The following SMCR8 variants were observed in gnomAD, a reference collection of about 807,000 sequenced individuals.
SMCR8 encodes SMCR8-C9orf72 complex subunit.
In SMCR8, 30 loss-of-function variants were observed where a neutral mutation model predicts 56.6. The observed-to-expected ratio is 0.53, with a 90% CI of 0.40 to 0.72. The LOEUF (loss-of-function observed/expected upper bound fraction) is 0.72. Ranked by LOEUF, SMCR8 falls within the 30% of genes least tolerant of loss-of-function variation. The pLI is 0.00. For synonymous variants in SMCR8, 538 were observed against 456.0 expected, an observed-to-expected ratio of 1.18 and a Z score of -2.29; for missense variants, 1,198 against 1,157.0, an observed-to-expected ratio of 1.04 and a Z score of -0.51.
rs1271535526 is a variant in SMCR8, at chr17:18,318,110, T to C, written c.2321T>C (p.Ile774Thr). The change falls in exon 1 of 2, where the codon ATT becomes ACT. Residue 774 changes from isoleucine to threonine, a missense_variant. Physicochemically the swap from Ile to Thr is moderately conservative, Grantham distance 89 (BLOSUM62 -1). Coordinates refer to ENST00000406438, the MANE Select transcript of SMCR8 (RefSeq NM_144775.3). ...CATTGGGCCTCCTCCCCTTTGCACA[T>C]TATGGATTTTCAGAAGTGGAAGCTT... ...VKHWASSPLH[I>T]MDFQKWKLIG... The C allele has an allele frequency of 1.9e-6, 3 of 1,613,354 alleles. No individual in the cohort carries two copies. Among genetic ancestry groups the C allele is most frequent in the African/African-American group, 1.3e-5 (1 of 74,922 alleles).
chr17:18,315,891 C>G lies in SMCR8; in HGVS notation c.102C>G (p.Leu34=). The G allele has an allele frequency of 6.2e-7, 1 of 1,614,180 alleles. No homozygotes were observed. Among genetic ancestry groups the G allele is most frequent in the Non-Finnish European group, 8.5e-7 (1 of 1,180,026 alleles). Residue 34 remains leucine (L), a synonymous_variant, in exon 1 of 2, where the codon CTC becomes CTG. Transcript: ENST00000406438. The stretch of plus-strand genomic sequence containing the variant: ...TGCCTGAGGAGTACTCGGTGCCGCT[C>G]TTCCCCTTCGCCAGTCAGGGTGCTA... ...PALPEEYSVP[L]FPFASQGANP... is the part of the protein sequence containing the mutation.
Position 18,316,641 on chromosome 17 carries a change from C to A in SMCR8, c.852C>A (p.Thr284=). The stretch of plus-strand genomic sequence containing the variant: ...ATCAGGCCAGCCAGGCATCCACTAC[C>A]TCTAACCCTGATGAGTCTGCCGACA... ...IQDQASQAST[T]SNPDESADTD... Residue 284 remains threonine (T), a synonymous_variant, in exon 1 of 2, where the codon ACC becomes ACA. Transcript: ENST00000406438. 1 of 1,614,208 alleles carries A rather than the reference C, an allele frequency of 6.2e-7. No homozygotes were observed. Among genetic ancestry groups the A allele is most frequent in the Non-Finnish European group, 8.5e-7 (1 of 1,180,050 alleles).
chr17:18,317,442 T>TGAA lies in SMCR8; in HGVS notation c.1655_1657dup (p.Glu552dup). 6.2e-7 allele frequency: 1 copy of TGAA among 1,614,054 alleles called. No individual in the cohort carries two copies. Among genetic ancestry groups the TGAA allele is most frequent in the Non-Finnish European group, 8.5e-7 (1 of 1,180,026 alleles). ...AAGAAGAATCATATCCAGATGGCAA[T>TGAA]GAAGGAGCCATCCGCTTCCAGGCAA... On this transcript the variant is annotated inframe_insertion, in exon 1 of 2. Coordinates refer to ENST00000406438, the MANE Select transcript of SMCR8 (RefSeq NM_144775.3).
rs2142994606 is a variant in SMCR8, at chr17:18,324,386, CAA to C, written c.*1317_*1318del. 1 of 152,432 alleles carries C rather than the reference CAA, an allele frequency of 6.6e-6. No individual in the cohort carries two copies. Among genetic ancestry groups the C allele is most frequent in the South Asian group, 2.1e-4 (1 of 4,832 alleles). The allele number at this position is 152,432 out of a possible 1,614,324, so 9.4% of individuals were successfully genotyped here. On this transcript the variant is annotated 3_prime_UTR_variant, in exon 2 of 2. Coordinates refer to ENST00000406438, the MANE Select transcript of SMCR8 (RefSeq NM_144775.3). ...CCTGGCCTCCCCGAGCCTCCTTAGG[CAA>C]TGGCCACTGGTTTGTAGACAGAGAG...
rs1982252358 is a variant in SMCR8 at position 18,315,930 on chromosome 17, A to G, written c.141A>G (p.Lys47=). 6.2e-7 allele frequency: 1 copy of G among 1,614,092 alleles called. No homozygotes were observed. The highest frequency in any genetic ancestry group is 1.3e-5 in the African/African-American group (1 of 74,986). Residue 47 remains lysine, a synonymous_variant, in exon 1 of 2, where the codon AAA becomes AAG. Transcript: ENST00000406438. ...GTCAGGGTGCTAACCCCTGGTCAAAACTGTCCGGGGCCAAGTTTTCGAGGG... is the reference window on the plus strand; with the variant it reads ...GTCAGGGTGCTAACCCCTGGTCAAAGCTGTCCGGGGCCAAGTTTTCGAGGG... ...FASQGANPWS[K]LSGAKFSRDF...
chr17:18,320,497 C>T lies in SMCR8; in HGVS notation c.2361-2120C>T, dbSNP rs947353317. Among the ~76,000 whole-genome samples, 20 of 152,178 alleles carry T rather than the reference C, an allele frequency of 1.3e-4. 1 individual carries two copies. The highest frequency in any genetic ancestry group is 7.3e-5 in the Non-Finnish European group (5 of 68,032). On this transcript the variant is annotated intron_variant, in intron 1 of 1. Coordinates refer to ENST00000406438, the MANE Select transcript of SMCR8 (RefSeq NM_144775.3). ...GGGGCAAAAAGGTGGGAGGTGAGGCCTGGGTGCCCTGTGGCGGCAGCACCT... is the reference window on the plus strand; with the variant it reads ...GGGGCAAAAAGGTGGGAGGTGAGGCTTGGGTGCCCTGTGGCGGCAGCACCT...
At position 18,315,847 on chromosome 17, in the gene SMCR8, C is replaced by T. The variant is rs1261811014; in HGVS notation, c.58C>T (p.Pro20Ser). Residue 20 changes from proline to serine, a missense_variant, in exon 1 of 2, where the codon CCT becomes TCT. Pro to Ser is a moderately conservative substitution (Grantham distance 74). Transcript: ENST00000406438. Reference sequence around the variant, plus strand: ...CAAAGAGGAAGAGTATGAAGAAGAGCCTTACAATGAGCCGGCCCTGCCTGA... The same window carrying T: ...CAAAGAGGAAGAGTATGAAGAAGAGTCTTACAATGAGCCGGCCCTGCCTGA... ...FTKEEEYEEE[P>S]YNEPALPEEY... 4 of 1,613,608 alleles carry T rather than the reference C, an allele frequency of 2.5e-6. No homozygotes were observed. The highest frequency in any genetic ancestry group is 4.5e-5 in the East Asian group (2 of 44,870).
rs1292981569 is a variant in SMCR8 at position 18,327,344 on chromosome 17, CAA to C, written c.*4275_*4276del. 2.6e-5 allele frequency: 4 copies of C among 152,254 alleles called. No homozygotes were observed. Among genetic ancestry groups the C allele is most frequent in the African/African-American group, 9.7e-5 (4 of 41,438 alleles). 9.4% of individuals were successfully genotyped at this position (152,254 alleles called of 1,614,324 possible). A position where few individuals can be genotyped will look rare whatever the true frequency, so the allele number is the denominator to read the frequency against. On this transcript the variant is annotated 3_prime_UTR_variant, in exon 2 of 2. Transcript: ENST00000406438. Reference sequence around the variant, plus strand: ...GCTTCTTGGGAGTGCTTATTCAGCCCAAGAGTGGAGGCTGTTTACAGCGAGCC... The same window carrying C: ...GCTTCTTGGGAGTGCTTATTCAGCCCGAGTGGAGGCTGTTTACAGCGAGCC...
At position 18,322,863 on chromosome 17, in the gene SMCR8, G is replaced by T. The variant is rs4925171; in HGVS notation, c.2607G>T (p.Leu869=). 485,882 of 1,613,668 alleles carry T rather than the reference G, an allele frequency of 0.3. 75,833 individuals carry two copies. The highest frequency in any genetic ancestry group is 0.35 in the African/African-American group (26,572 of 74,954). The change falls in exon 2 of 2, where the codon CTG becomes CTT. Residue 869 remains leucine, a synonymous_variant. Transcript: ENST00000406438. ...FLYTFCHHLH[L]PTHDKETEEL... ...ACACCTTCTGCCACCACCTGCACCT[G>T]CCTACCCACGACAAGGAGACAGAGG...
chr17:18,320,351 AC>A (rs1982461814), intron 1 of SMCR8, among the ~76,000 whole-genome samples: 1 of 152,198 alleles, frequency 6.6e-6, no homozygotes, highest in African/African-American at 2.4e-5. Context: ...CTTTATGGAA[AC>A]AGAAGTGGAG....
Position 18,315,861 on chromosome 17 carries a change from G to A in SMCR8, c.72G>A (p.Pro24=), listed in dbSNP as rs1181272428. The A allele has an allele frequency of 2.5e-6, 4 of 1,613,894 alleles. No individual in the cohort carries two copies. The highest frequency in any genetic ancestry group is 1.7e-5 in the Admixed American group (1 of 60,004). The change falls in exon 1 of 2, where the codon CCG becomes CCA. Residue 24 remains proline (P), a synonymous_variant. Coordinates refer to ENST00000406438, the MANE Select transcript of SMCR8 (RefSeq NM_144775.3). ...ATGAAGAAGAGCCTTACAATGAGCC[G>A]GCCCTGCCTGAGGAGTACTCGGTGC... ...EEYEEEPYNE[P]ALPEEYSVPL... is the part of the protein sequence containing the mutation.
rs1477526354 is a variant in SMCR8 at position 18,317,207 on chromosome 17, A to G, written c.1418A>G (p.Glu473Gly). The G allele has an allele frequency of 1.9e-6, 3 of 1,614,010 alleles. No individual in the cohort carries two copies. Among genetic ancestry groups the G allele is most frequent in the Admixed American group, 3.3e-5 (2 of 60,006 alleles). The change falls in exon 1 of 2, where the codon GAA becomes GGA. Residue 473 changes from glutamate to glycine, a missense_variant. Transcript: ENST00000406438. ...AGTATCAGCAGTGGTGAAAGTATTG[A>G]AGTTTTGGGCACGGAGAAATCCACC... is the stretch of plus-strand genomic sequence containing the variant. Reference protein sequence around the residue: ...KGSISSGESIEVLGTEKSTSV... With the variant: ...KGSISSGESIGVLGTEKSTSV...
chr17:18,315,744 A>C lies in SMCR8; in HGVS notation c.-46A>C. 1 of 1,523,300 alleles carries C rather than the reference A, an allele frequency of 6.6e-7. No individual in the cohort carries two copies. The highest frequency in any genetic ancestry group is 1.3e-5 in the South Asian group (1 of 78,826). The allele number at this position is 1,523,300 out of a possible 1,614,324, so 94.4% of individuals were successfully genotyped here. A position where few individuals can be genotyped will look rare whatever the true frequency, so the allele number is the denominator to read the frequency against. ...CCTTCTGCGCGTCGATTAACACCGC[A>C]TTCTTTCCCACTTCCTCTCAATGTT... On this transcript the variant is annotated 5_prime_UTR_variant, in exon 1 of 2. Transcript: ENST00000406438.
Position 18,316,865 on chromosome 17 carries a change from G to A in SMCR8, c.1076G>A (p.Arg359Lys), listed in dbSNP as rs1227637762. 108 of 1,614,098 alleles carry A rather than the reference G, an allele frequency of 6.7e-5. 1 individual carries two copies. In the Admixed American group the frequency reaches 1.8e-3, roughly 27 times the overall value. Residue 359 changes from arginine to lysine, a missense_variant, in exon 1 of 2, where the codon AGA (arginine) becomes AAA (lysine). Coordinates refer to ENST00000406438, the MANE Select transcript of SMCR8 (RefSeq NM_144775.3). ...TACCTCCTGACCAGTCAGATTGATAGAGCACTTCTAAAACAACAGCATATA... is the reference window on the plus strand; with the variant it reads ...TACCTCCTGACCAGTCAGATTGATAAAGCACTTCTAAAACAACAGCATATA... ...LCYLLTSQID[R>K]ALLKQQHITN...
At position 18,317,771 on chromosome 17, in the gene SMCR8, G is replaced by A. The variant is rs745673905; in HGVS notation, c.1982G>A (p.Arg661Gln). 25 of 1,614,122 alleles carry A rather than the reference G, an allele frequency of 1.5e-5. No individual in the cohort carries two copies. The highest frequency in any genetic ancestry group is 2.2e-5 in the South Asian group (2 of 91,080). The change falls in exon 1 of 2, where the codon CGG (arginine) becomes CAG (glutamine). Residue 661 changes from arginine (R) to glutamine (Q), a missense_variant. Transcript: ENST00000406438. Reference protein sequence around the residue: ...ELDPSHLLASRDISKTSLDNY... With the variant: ...ELDPSHLLASQDISKTSLDNY... ...GACCCGAGCCACCTGCTGGCTAGCC[G>A]GGACATCAGTAAGACCAGCCTGGAC...
In SMCR8 at chr17:18,319,485, C is replaced by T. The variant is rs1300601933; in HGVS notation, c.2360+1336C>T. ...CCTCGGAGGTGTTGCGCTGCAGAGG[C>T]TCTGCACTCTGAGCACCACGGCCCA... On this transcript the variant is annotated intron_variant, in intron 1 of 1. Transcript: ENST00000406438. 6.6e-5 allele frequency among the ~76,000 whole-genome samples: 10 copies of T among 152,162 alleles called. 1 individual carries two copies. Among genetic ancestry groups the T allele is most frequent in the Admixed American group, 5.9e-4 (9 of 15,278 alleles).
chr17:18,322,904 G>T lies in SMCR8; in HGVS notation c.2648G>T (p.Arg883Leu), dbSNP rs771531542. The stretch of plus-strand genomic sequence containing the variant: ...GAGACAGAGGAGCTGGTAGCCAGCC[G>T]CCAGATGAGCTTCCTAAAGCTGACC... ...DKETEELVAS[R>L]QMSFLKLTLG... Residue 883 changes from arginine to leucine, a missense_variant, in exon 2 of 2, where the codon CGC (arginine) becomes CTC (leucine). By Grantham distance (102) the Arg-to-Leu change is moderately radical. Transcript: ENST00000406438. 6.2e-7 allele frequency: 1 copy of T among 1,614,192 alleles called. No individual in the cohort carries two copies.
rs1982683724 is a variant in SMCR8 at position 18,327,108 on chromosome 17, C to A, written c.*4038C>A. ...AAAAGGAAAAAGCATCAAGTTTCTA[C>A]TTCTGGCTGGAAAGCAAAACCAATC... On this transcript the variant is annotated 3_prime_UTR_variant, in exon 2 of 2. Transcript: ENST00000406438. 1 of 152,284 alleles carries A rather than the reference C, an allele frequency of 6.6e-6. No individual in the cohort carries two copies. The highest frequency in any genetic ancestry group is 2.4e-5 in the African/African-American group (1 of 41,466). The allele number at this position is 152,284 out of a possible 1,614,324, so 9.4% of individuals were successfully genotyped here.
In SMCR8 at chr17:18,323,260, C is replaced by T. The variant is rs564748607; in HGVS notation, c.*190C>T. 1.9e-5 allele frequency: 11 copies of T among 583,218 alleles called. No homozygotes were observed. The Admixed American group carries it at 2.1e-4, about 11-fold the overall frequency. The allele number at this position is 583,218 out of a possible 1,614,324, so 36.1% of individuals were successfully genotyped here. On this transcript the variant is annotated 3_prime_UTR_variant, in exon 2 of 2. Coordinates refer to ENST00000406438, the MANE Select transcript of SMCR8 (RefSeq NM_144775.3). ...AGTGGAGCCTGGCTCCCTCTAAAGG[C>T]GTCTGGAGGGATGGTGACAGCTACA...
Sources: gnomAD v4.1 joint callset for allele counts (sites outside exome capture counted in the v4.1 genomes callset) on GRCh38, gnomAD v4.1.1 for gene constraint, MANE v1.5 for transcripts, NCBI Gene and HGNC (gene_info 2026-07-23, HGNC 2026-07-21) for gene names.